The following NINJ2 variants were observed in gnomAD, a reference collection of about 807,000 sequenced individuals.
The protein encoded by NINJ2 is ninjurin 2.
NINJ2 carries 12 observed loss-of-function variants against 11.7 expected under a neutral mutation model. The ratio of observed to expected loss-of-function variants is 1.02; its 90% CI spans 0.66 to 1.66. The LOEUF (loss-of-function observed/expected upper bound fraction) is 1.66. Ranked by LOEUF, NINJ2 falls within the 40% of genes most tolerant of loss-of-function variation. The pLI is 0.00. For missense variants in NINJ2, 187 were observed against 181.8 expected (o/e 1.03, Z -0.16); for synonymous variants, 93 against 76.8 (o/e 1.21, Z -1.10).
intron 1 of NINJ2, among the ~76,000 whole-genome samples, chr12:596,979 A>G (rs531454886): frequency 6.6e-6 from 1 of 152,270 alleles, no homozygotes; most frequent in East Asian, 1.9e-4. Context: ...AATAAACATA[A>G]AAAAGTTAAG....
At chr12:651,523 G>A (rs998830218) in intron 1 of NINJ2, among the ~76,000 whole-genome samples, 1 of 152,212 alleles carries the variant, frequency 6.6e-6, no homozygotes, top group African/African-American at 2.4e-5. Context: ...ATTTATGGCA[G>A]TTCCTTTTGC....
chr12:591,924 G>A lies in NINJ2; in HGVS notation c.34-25746C>T, dbSNP rs1007653681. Among the ~76,000 whole-genome samples the A allele has an allele frequency of 5.9e-5, 9 of 152,164 alleles. No individual in the cohort carries two copies. Among genetic ancestry groups the A allele is most frequent in the East Asian group, 1.9e-4 (1 of 5,178 alleles). On this transcript the variant is annotated intron_variant, in intron 1 of 3. Coordinates refer to ENST00000305108, the MANE Select transcript of NINJ2 (RefSeq NM_016533.6). This position sits in a 1 kb window ranked among gnomAD's most constrained non-coding sequence, Gnocchi z 5.0. ...TTTGAGCAAACAGAGGCCCCCAGGC[G>A]TTTTTCCCGGGTCACTCCCTTTGCC... is the stretch of plus-strand genomic sequence containing the variant.
chr12:621,309 C>G (rs1444588402), intron 1 of NINJ2, among the ~76,000 whole-genome samples: 1 of 151,656 alleles, frequency 6.6e-6, no homozygotes, highest in East Asian at 1.9e-4. Context: ...AAAAAATTAG[C>G]CAGGCATGAT....
chr12:643,306 G>T, intron 1 of NINJ2: 1 of 405,266 alleles, frequency 2.5e-6, no homozygotes, highest in East Asian at 1.7e-4. Flanking sequence ...ACTCTGCACC[G>T]TCGCGGCCTC....
rs1056853219 is a variant in NINJ2 at position 580,712 on chromosome 12, C to T, written c.34-14534G>A. Reference sequence around the variant, plus strand: ...TCTTCTGTGGCACCTTCTGGGGGTGCCTGCCAATGGCTATAGTATACAAAC... The same window carrying T: ...TCTTCTGTGGCACCTTCTGGGGGTGTCTGCCAATGGCTATAGTATACAAAC... On this transcript the variant is annotated intron_variant, in intron 1 of 3. Transcript: ENST00000305108. This position sits in a 1 kb window ranked among gnomAD's most constrained non-coding sequence, Gnocchi z 4.7. Among the ~76,000 whole-genome samples, 1 of 152,186 alleles carries T rather than the reference C, an allele frequency of 6.6e-6. No homozygotes were observed. Among genetic ancestry groups the T allele is most frequent in the East Asian group, 1.9e-4 (1 of 5,202 alleles).
intron 1 of NINJ2, among the ~76,000 whole-genome samples, chr12:604,285 C>T (rs1001367107): frequency 6.6e-6 from 1 of 152,100 alleles, no homozygotes; most frequent in African/African-American, 2.4e-5. Context: ...ACAAAATAGA[C>T]TGGAAGAGGA....
At chr12:650,246 G>A (rs1368524997) in intron 1 of NINJ2, among the ~76,000 whole-genome samples, 1 of 151,796 alleles carries the variant, frequency 6.6e-6, no homozygotes, top group Non-Finnish European at 1.5e-5. Flanking sequence ...CACCACACCT[G>A]GCTAATTTTT....
intron 1 of NINJ2, among the ~76,000 whole-genome samples, chr12:631,358 TTTTATTTA>T (rs774337719): frequency 2.0e-5 from 3 of 152,026 alleles, no homozygotes; most frequent in Non-Finnish European, 4.4e-5. Context: ...TTTGTTAAAT[TTTTATTTA>T]TTTATTTATT....
intron 1 of NINJ2, among the ~76,000 whole-genome samples, chr12:610,070 T>C (rs12227328): frequency 0.18 from 27,473 of 152,090 alleles, 2,590 homozygotes; most frequent in Middle Eastern, 0.33. Context: ...CACTCCCAGC[T>C]GTCCTACTAG....
intron 1 of NINJ2, among the ~76,000 whole-genome samples, chr12:653,196 A>G (rs931167321): frequency 4.6e-5 from 7 of 151,348 alleles, no homozygotes; most frequent in African/African-American, 1.7e-4. Flanking sequence ...AATGTTTTGT[A>G]TTTTTAGTAG....
Position 614,736 on chromosome 12 carries a change from G to A in NINJ2, c.34-48558C>T, listed in dbSNP as rs10774375. ...ACAAAGGCTTGACACCTCAGGGCTC[G>A]GCCTGCCTGTTTTTTGAGCTGTGTT... On this transcript the variant is annotated intron_variant, in intron 1 of 3. Coordinates refer to ENST00000305108, the MANE Select transcript of NINJ2 (RefSeq NM_016533.6). The surrounding 1 kb of genome is among the most constrained non-coding windows in gnomAD (Gnocchi z 5.1). Among the ~76,000 whole-genome samples, 52,508 of 151,932 alleles carry A rather than the reference G, an allele frequency of 0.35. 9,313 individuals carry two copies. The highest frequency in any genetic ancestry group is 0.47 in the East Asian group (2,434 of 5,170).
chr12:566,303 A>C, intron 1 of NINJ2, 125 bp from the exon 2 acceptor site: 2 of 723,680 alleles, frequency 2.8e-6, no homozygotes, highest in South Asian at 3.6e-5. Flanking sequence ...GGCAAATGAC[A>C]CCCTTAGTTT....
rs117269411 is a variant in NINJ2 at position 638,715 on chromosome 12, G to A, written c.33+24613C>T. On this transcript the variant is annotated intron_variant, in intron 1 of 3. Coordinates refer to ENST00000305108, the MANE Select transcript of NINJ2 (RefSeq NM_016533.6). ...CAGGCGTGAGCCACCGCGCCCGGCC[G>A]ACACTTAGTTTTAAATCCAGTTTAA... Among the ~76,000 whole-genome samples the A allele has an allele frequency of 4.5e-3, 679 of 151,704 alleles. 28 individuals are homozygous for A. In the East Asian group the frequency reaches 0.1, roughly 23 times the overall value.
intron 1 of NINJ2, among the ~76,000 whole-genome samples, chr12:647,551 A>T (rs191220906): frequency 6.6e-6 from 1 of 152,170 alleles, no homozygotes; most frequent in East Asian, 1.9e-4. Flanking sequence ...ACCTGCTCCA[A>T]CCTGGGCCCC....
intron 1 of NINJ2, among the ~76,000 whole-genome samples, chr12:567,583 C>T (rs1047473933): frequency 5.3e-5 from 8 of 152,122 alleles, no homozygotes; most frequent in East Asian, 1.9e-4. Flanking sequence ...CCTTGTACTT[C>T]GTGCAGCCCC....
intron 1 of NINJ2, among the ~76,000 whole-genome samples, chr12:652,973 GA>G (rs1937817072): frequency 7.2e-6 from 1 of 138,248 alleles, no homozygotes; most frequent in African/African-American, 2.6e-5. Flanking sequence ...AAAAGAAAAA[GA>G]AAAAAATTCA....
At position 573,997 on chromosome 12, in the gene NINJ2, G is replaced by A. The variant is rs552931177; in HGVS notation, c.34-7819C>T. ...GCCTGTAATCCCAGCAGTTTGGGAG[G>A]CGGATCATGAGGTCAAGAGTTCGAG... On this transcript the variant is annotated intron_variant, in intron 1 of 3. Coordinates refer to ENST00000305108, the MANE Select transcript of NINJ2 (RefSeq NM_016533.6). Among the ~76,000 whole-genome samples, 100 of 152,332 alleles carry A rather than the reference G, an allele frequency of 6.6e-4. 1 individual carries two copies. The highest frequency in any genetic ancestry group is 2.4e-3 in the African/African-American group (99 of 41,576).
At chr12:587,443 A>G (rs1425593696) in intron 1 of NINJ2, among the ~76,000 whole-genome samples, 1 of 152,198 alleles carries the variant, frequency 6.6e-6, no homozygotes. Flanking sequence ...CATCTTACAG[A>G]ATTTGCACAG....
At chr12:657,606 A>G (rs1937891040) in intron 1 of NINJ2, among the ~76,000 whole-genome samples, 2 of 152,146 alleles carry the variant, frequency 1.3e-5, no homozygotes, top group African/African-American at 2.4e-5. Flanking sequence ...AAATAAATAA[A>G]TAAGTAACCC....
Sources: allele counts gnomAD v4.1 joint callset (sites outside exome capture counted in the v4.1 genomes callset), GRCh38; gene constraint gnomAD v4.1.1; non-coding constraint Gnocchi (gnomAD v3.1); transcripts MANE v1.5; gene names NCBI Gene and HGNC (gene_info 2026-07-23, HGNC 2026-07-21).